Variants in ITGA3 observed in about 807,000 individuals in gnomAD.
ITGA3 encodes integrin subunit alpha 3.
A neutral mutation model predicts 131.1 loss-of-function variants in ITGA3; 70 were observed. That is an observed-to-expected ratio of 0.53 (90% CI 0.44 to 0.65). ITGA3 has a LOEUF of 0.65. Ranked by LOEUF, ITGA3 falls within the 30% of genes least tolerant of loss-of-function variation. The pLI, the probability that ITGA3 is intolerant of heterozygous loss-of-function variation, is 0.00. For missense variants in ITGA3, 1,098 were observed against 1,388.6 expected, an observed-to-expected ratio of 0.79 and a Z score of 3.33; for synonymous variants, 537 against 571.6, an observed-to-expected ratio of 0.94 and a Z score of 0.86.
At chr17:50,079,005 AGGGTTGG>A in intron 19 of ITGA3, 64 bp from the exon 20 acceptor site, 1 of 1,520,420 alleles carries the variant, frequency 6.6e-7, no homozygotes, top group Non-Finnish European at 9.1e-7. Flanking sequence ...TGAAGGTGGG[AGGGTTGG>A]GGGTTGGTAA....
At chr17:50,072,597 G>C (rs1043982848) in intron 7 of ITGA3, among the ~76,000 whole-genome samples, 1 of 152,114 alleles carries the variant, frequency 6.6e-6, no homozygotes, top group Non-Finnish European at 1.5e-5. Context: ...GAGTATCTTA[G>C]GGATTTATAT....
In ITGA3 at chr17:50,079,256, T is replaced by G; in HGVS notation, c.2581T>G (p.Ser861Ala). 1 of 1,613,818 alleles carries G rather than the reference T, an allele frequency of 6.2e-7. No individual in the cohort carries two copies. Among genetic ancestry groups the G allele is most frequent in the Non-Finnish European group, 8.5e-7 (1 of 1,179,812 alleles). ...TATCAACCCTCTCAACCTCACTCTT[T>G]CTGTAAGGACACTATCAGGGATATT... is the stretch of plus-strand genomic sequence containing the variant. Reference protein sequence around the residue: ...DLINPLNLTLSDPGDRPSSPQ... With the variant: ...DLINPLNLTLADPGDRPSSPQ... The change falls in exon 20 of 26, where the codon TCT becomes GCT. Residue 861 changes from serine to alanine, a missense_variant and splice_region_variant. Transcript: ENST00000320031.
chr17:50,065,679 GTCTC>G (rs142557914), intron 3 of ITGA3: 7,455 of 146,040 alleles, frequency 0.051, 234 homozygotes, highest in Admixed American at 0.093. Flanking sequence ...GAATGAGGCT[GTCTC>G]TCTCTCTCTC....
chr17:50,078,022 C>G, intron 16 of ITGA3, 24 bp from the exon 17 acceptor site: 2 of 1,596,788 alleles, frequency 1.3e-6, no homozygotes, highest in South Asian at 2.2e-5. Flanking sequence ...ATGCCACTCT[C>G]TGCCTCCCTG....
At chr17:50,088,394 C>G (rs370675762) in intron 25 of ITGA3, 28 bp downstream of exon 25, 2 of 1,264,632 alleles carry the variant, frequency 1.6e-6, no homozygotes, top group Non-Finnish European at 1.1e-6. Context: ...CCCCCTTCCC[C>G]GAGCCCCACA....
intron 22 of ITGA3, among the ~76,000 whole-genome samples, chr17:50,080,855 A>T (rs1301366457): frequency 6.6e-6 from 1 of 152,084 alleles, no homozygotes; most frequent in East Asian, 1.9e-4. Flanking sequence ...CCACTTTCTC[A>T]TGCCATCTAG....
At chr17:50,089,047 A>C in intron 25 of ITGA3, 63 bp from the exon 26 acceptor site, 1 of 1,353,116 alleles carries the variant, frequency 7.4e-7, no homozygotes, top group Non-Finnish European at 1.1e-6. Context: ...GAGGCCTGGC[A>C]CTCCTTCCTG....
At chr17:50,084,613 T>C (rs1046859841) in intron 23 of ITGA3, among the ~76,000 whole-genome samples, 2 of 151,972 alleles carry the variant, frequency 1.3e-5, no homozygotes, top group Non-Finnish European at 1.5e-5. Flanking sequence ...GATGATGATA[T>C]TAAGTGAAAA....
In ITGA3 at chr17:50,075,472, C is replaced by G; in HGVS notation, c.1483C>G (p.Leu495Val). ...CTATSCVQVELCFAYNQSAGN... is the reference protein window; with the variant it reads ...CTATSCVQVEVCFAYNQSAGN... ...TCCCTCCAACAGTGTGCAAGTGGAG[C>G]TGTGCTTTGCTTACAACCAGAGTGC... Residue 495 changes from leucine to valine, a missense_variant, in exon 11 of 26, where the codon CTG becomes GTG. Coordinates refer to ENST00000320031, the MANE Select transcript of ITGA3 (RefSeq NM_002204.4). 1 of 1,614,216 alleles carries G rather than the reference C, an allele frequency of 6.2e-7. No individual in the cohort carries two copies. The highest frequency in any genetic ancestry group is 8.5e-7 in the Non-Finnish European group (1 of 1,180,040).
rs1263516425 is a variant in ITGA3 at position 50,072,219 on chromosome 17, C to G, written c.1156+37C>G. 1.9e-6 allele frequency: 3 copies of G among 1,560,268 alleles called. No homozygotes were observed. In the Admixed American group the frequency reaches 5.1e-5, roughly 26 times the overall value. ...CACTCCTCCCCCAGCACCCCTCCTC[C>G]AGCACCCCTCCTCCCAGCACCCCTA... On this transcript the variant is annotated intron_variant, in intron 7 of 25. Coordinates refer to ENST00000320031, the MANE Select transcript of ITGA3 (RefSeq NM_002204.4).
At position 50,077,031 on chromosome 17, in the gene ITGA3, C is replaced by T. The variant is rs1289116281; in HGVS notation, c.1980C>T (p.Thr660=). ...KLLLSINVTN[T]RTSERSGEDA... ...TCCTGAGCATCAACGTGACGAACAC[C>T]CGGACCTCGGAGCGCTCCGGGGAGG... Residue 660 remains threonine, a synonymous_variant, in exon 15 of 26, where the codon ACC becomes ACT. Transcript: ENST00000320031. 6.2e-7 allele frequency: 1 copy of T among 1,611,026 alleles called. No individual in the cohort carries two copies. The highest frequency in any genetic ancestry group is 1.7e-5 in the Admixed American group (1 of 59,834).
In ITGA3 at chr17:50,067,921, T is replaced by A. The variant is rs1034351397; in HGVS notation, c.415-135T>A. On this transcript the variant is annotated intron_variant, in intron 3 of 25. Coordinates refer to ENST00000320031, the MANE Select transcript of ITGA3 (RefSeq NM_002204.4). The stretch of plus-strand genomic sequence containing the variant: ...TGGAAAGGAGATGCAGGTTTAAGTA[T>A]CACTGGGAGAAGGAGAAGCCAGGAG... 1.1e-5 allele frequency: 13 copies of A among 1,157,966 alleles called. No homozygotes were observed. In the Admixed American group the frequency reaches 1.6e-4, roughly 14 times the overall value. 71.7% of individuals were successfully genotyped at this position (1,157,966 alleles called of 1,614,324 possible).
intron 23 of ITGA3, among the ~76,000 whole-genome samples, chr17:50,084,016 C>A (rs1019481955): frequency 6.6e-6 from 1 of 151,384 alleles, no homozygotes; most frequent in Non-Finnish European, 1.5e-5. Flanking sequence ...GCGGGTGGAT[C>A]ATTTGAGTTC....
intron 4 of ITGA3, 129 bp from the exon 5 acceptor site, chr17:50,070,715 G>T: frequency 4.0e-6 from 2 of 501,730 alleles, no homozygotes; most frequent in Non-Finnish European, 7.5e-6. Flanking sequence ...ATGGCAAAAT[G>T]CTCACCAATA....
At chr17:50,070,644 CAA>C (rs59600840) in intron 4 of ITGA3, among the ~76,000 whole-genome samples, 198 bp from the exon 5 acceptor site, 3 of 69,468 alleles carry the variant, frequency 4.3e-5, no homozygotes, top group African/African-American at 1.0e-4. Flanking sequence ...AAGACTGTCT[CAA>C]AAAAAAAAAA....
intron 3 of ITGA3, among the ~76,000 whole-genome samples, chr17:50,067,518 TA>T (rs1282996293): frequency 7.9e-5 from 12 of 152,302 alleles, no homozygotes; most frequent in Admixed American, 5.9e-4. Flanking sequence ...TCAGTTTATC[TA>T]AAATGGGGGA....
chr17:50,066,957 C>G (rs1040633535), intron 3 of ITGA3, among the ~76,000 whole-genome samples: 9 of 152,150 alleles, frequency 5.9e-5, no homozygotes, highest in African/African-American at 1.9e-4. Context: ...GCTGGGATTT[C>G]TGTCACCTTT....
At position 50,078,816 on chromosome 17, in the gene ITGA3, A is replaced by G; in HGVS notation, c.2298-8A>G. The G allele has an allele frequency of 2.5e-6, 4 of 1,573,124 alleles. No individual in the cohort carries two copies. The South Asian group carries it at 4.4e-5, about 17-fold the overall frequency. On this transcript the variant is annotated splice_region_variant and splice_polypyrimidine_tract_variant and intron_variant, in intron 18 of 25. Transcript: ENST00000320031. ...CCCCCGTGACTCCAGCATCCTTCTT[A>G]CCCCTAGGGTAAATCACCGGCTACA... is the stretch of plus-strand genomic sequence containing the variant.
rs1203252770 is a variant in ITGA3 at position 50,064,048 on chromosome 17, C to T, written c.207-29C>T. 1.9e-6 allele frequency: 3 copies of T among 1,609,850 alleles called. No homozygotes were observed. Among genetic ancestry groups the T allele is most frequent in the Admixed American group, 1.7e-5 (1 of 59,700 alleles). On this transcript the variant is annotated intron_variant, in intron 1 of 25. Coordinates refer to ENST00000320031, the MANE Select transcript of ITGA3 (RefSeq NM_002204.4). This position sits in a 1 kb window ranked among gnomAD's most constrained non-coding sequence, Gnocchi z 4.4. ...CCAAGTGGGGCTTGGGGAGTCTGAA[C>T]CCGGACCCACCTCCGTCCCTATCCC...
Sources: allele counts gnomAD v4.1 joint callset (sites outside exome capture counted in the v4.1 genomes callset), GRCh38; gene constraint gnomAD v4.1.1; non-coding constraint Gnocchi (gnomAD v3.1); transcripts MANE v1.5; gene names NCBI Gene and HGNC (gene_info 2026-07-23, HGNC 2026-07-21).